The following PDE4B variants were observed in gnomAD, a reference collection of about 807,000 sequenced individuals.
PDE4B encodes phosphodiesterase 4B.
PDE4B carries 20 observed loss-of-function variants against 82.2 expected under a neutral mutation model. The observed-to-expected ratio is 0.24, with a 90% CI of 0.17 to 0.35. PDE4B has a LOEUF of 0.35. Among genes scored for constraint, PDE4B ranks in the 10% least tolerant of loss-of-function variants. The probability of loss-of-function intolerance (pLI) is 1.00; values close to 1 mark genes in which losing one functional copy is unlikely to be tolerated. For missense variants in PDE4B, 655 were observed against 907.2 expected (o/e 0.72, Z 3.57); for synonymous variants, 320 against 318.9 (o/e 1.00, Z -0.04).
In PDE4B at chr1:66,344,250, C is replaced by G. The variant is rs561364031; in HGVS notation, c.748-11277C>G. Among the ~76,000 whole-genome samples the G allele has an allele frequency of 2.6e-5, 4 of 152,256 alleles. No homozygotes were observed. In the East Asian group the frequency reaches 7.7e-4, roughly 29 times the overall value. On this transcript the variant is annotated intron_variant, in intron 8 of 16. Transcript: ENST00000341517. ...TTTGTGTTCTTGTCAGGGAGAGCTA[C>G]CAGTGAATTTTTTCCTGCTGTATTT...
At chr1:66,038,264 A>G (rs570901321) in intron 3 of PDE4B, among the ~76,000 whole-genome samples, 2 of 152,330 alleles carry the variant, frequency 1.3e-5, no homozygotes, top group African/African-American at 4.8e-5. Context: ...ATAAAAACAG[A>G]CAACATGAAG....
intron 3 of PDE4B, among the ~76,000 whole-genome samples, chr1:66,171,163 A>AT (rs1018468557): frequency 4.0e-5 from 6 of 151,460 alleles, no homozygotes; most frequent in East Asian, 1.9e-4. Flanking sequence ...GCCTGCTCAC[A>AT]TTTTTTTTTC....
At chr1:66,163,737 G>A (rs954925933) in intron 3 of PDE4B, among the ~76,000 whole-genome samples, 3 of 152,300 alleles carry the variant, frequency 2.0e-5, no homozygotes, top group Middle Eastern at 3.4e-3. Context: ...TTAAAAATTA[G>A]TGAAATAAAA....
At chr1:66,260,808 G>T (rs1196752263) in intron 6 of PDE4B, among the ~76,000 whole-genome samples, 3 of 152,142 alleles carry the variant, frequency 2.0e-5, no homozygotes, top group Non-Finnish European at 4.4e-5. Context: ...AGTACCCCAA[G>T]ACCATAATTG....
chr1:65,987,619 A>T (rs571163507), intron 3 of PDE4B, among the ~76,000 whole-genome samples: 3 of 151,174 alleles, frequency 2.0e-5, no homozygotes, highest in South Asian at 2.1e-4. Flanking sequence ...TGATTTATTT[A>T]TTTTTTTTTG....
intron 1 of PDE4B, among the ~76,000 whole-genome samples, chr1:65,826,607 A>G (rs1302478427): frequency 6.6e-6 from 1 of 152,182 alleles, no homozygotes; most frequent in African/African-American, 2.4e-5. Context: ...CCTAATCTTC[A>G]TATGGACAAA....
At chr1:65,948,310 A>G (rs1033815960) in intron 3 of PDE4B, among the ~76,000 whole-genome samples, 2 of 151,786 alleles carry the variant, frequency 1.3e-5, no homozygotes, top group Admixed American at 1.3e-4. Flanking sequence ...CTAGAATCAT[A>G]TATATATTAT....
intron 3 of PDE4B, among the ~76,000 whole-genome samples, chr1:65,961,293 C>A (rs1649530295): frequency 6.6e-6 from 1 of 152,098 alleles, no homozygotes; most frequent in African/African-American, 2.4e-5. Context: ...TCTAGAAAAA[C>A]TGAGTTATTG....
chr1:65,885,317 T>C (rs890105931), intron 1 of PDE4B, among the ~76,000 whole-genome samples: 1 of 152,196 alleles, frequency 6.6e-6, no homozygotes, highest in Non-Finnish European at 1.5e-5. Context: ...TCCTCAAGTA[T>C]CTAGAACTAG....
intron 3 of PDE4B, among the ~76,000 whole-genome samples, chr1:66,057,440 A>G (rs984447600): frequency 2.6e-5 from 4 of 152,222 alleles, no homozygotes; most frequent in Admixed American, 2.6e-4. Flanking sequence ...TGAAGACATA[A>G]ACAATTTTTA....
intron 3 of PDE4B, among the ~76,000 whole-genome samples, chr1:66,207,026 A>G (rs570835907): frequency 6.6e-6 from 1 of 152,304 alleles, no homozygotes; most frequent in South Asian, 2.1e-4. Flanking sequence ...AGATTACCAA[A>G]TCTTGTACTG....
chr1:66,230,716 T>C (rs1482872567), intron 3 of PDE4B, among the ~76,000 whole-genome samples: 1 of 152,190 alleles, frequency 6.6e-6, no homozygotes, highest in African/African-American at 2.4e-5. Context: ...TAACGTTAAA[T>C]AACAAATGAC....
chr1:66,306,968 C>T (rs1475723068), intron 7 of PDE4B, among the ~76,000 whole-genome samples: 1 of 152,208 alleles, frequency 6.6e-6, no homozygotes, highest in Non-Finnish European at 1.5e-5. Context: ...ATGAAAATAA[C>T]ATTTGAAGGT....
chr1:66,001,716 GGTT>G (rs1651874147), intron 3 of PDE4B, among the ~76,000 whole-genome samples: 1 of 151,800 alleles, frequency 6.6e-6, no homozygotes. Context: ...ATGCTTTTTT[GGTT>G]GTTATTTGTT....
intron 3 of PDE4B, among the ~76,000 whole-genome samples, chr1:66,036,536 G>A (rs1185018367): frequency 1.3e-5 from 2 of 152,140 alleles, no homozygotes; most frequent in Non-Finnish European, 2.9e-5. Flanking sequence ...TCTTCTGTAT[G>A]TGGACTTCTG....
chr1:66,038,795 T>C (rs1261160239), intron 3 of PDE4B, among the ~76,000 whole-genome samples: 2 of 152,078 alleles, frequency 1.3e-5, no homozygotes, highest in East Asian at 3.9e-4. Flanking sequence ...CCAGGTCAAG[T>C]GGAAGATAGC....
chr1:66,352,003 A>G (rs923502388), intron 8 of PDE4B, among the ~76,000 whole-genome samples: 1 of 152,118 alleles, frequency 6.6e-6, no homozygotes, highest in Non-Finnish European at 1.5e-5. Context: ...CTTGAAGGCC[A>G]TGTCTGCCTT....
At position 66,372,404 on chromosome 1, in the gene PDE4B, A is replaced by G; in HGVS notation, c.1937A>G (p.Glu646Gly). Residue 646 changes from glutamate to glycine, a missense_variant, in exon 17 of 17, where the codon GAA becomes GGA. Transcript: ENST00000341517. ...GCTCAGGACATTCTCGATACCTTAG[A>G]AGATAACAGGAACTGGTATCAGAGC... is the stretch of plus-strand genomic sequence containing the variant. ...PDAQDILDTL[E>G]DNRNWYQSMI... 1.9e-6 allele frequency: 3 copies of G among 1,614,132 alleles called. No individual in the cohort carries two copies. Among genetic ancestry groups the G allele is most frequent in the Non-Finnish European group, 2.5e-6 (3 of 1,179,964 alleles).
chr1:65,815,629 T>C (rs1027721483), intron 1 of PDE4B, among the ~76,000 whole-genome samples: 1 of 152,176 alleles, frequency 6.6e-6, no homozygotes, highest in Non-Finnish European at 1.5e-5. Context: ...AAAAAAAGGT[T>C]CATTGAGAAA....
Sources: gnomAD v4.1 joint callset for allele counts (sites outside exome capture counted in the v4.1 genomes callset) on GRCh38, gnomAD v4.1.1 for gene constraint, MANE v1.5 for transcripts, NCBI Gene and HGNC (gene_info 2026-07-23, HGNC 2026-07-21) for gene names.